Variants in TSPAN2 observed in about 807,000 individuals in gnomAD.
TSPAN2 encodes tetraspanin 2.
In TSPAN2, 24 loss-of-function variants were observed where a neutral mutation model predicts 33.3. That is an observed-to-expected ratio of 0.72 (90% CI 0.52 to 1.01). The LOEUF is 1.01. Ranked by LOEUF, TSPAN2 falls within the 50% of genes least tolerant of loss-of-function variation. TSPAN2 has a pLI of 0.00. For synonymous variants in TSPAN2, 114 were observed against 104.5 expected (o/e 1.09, Z -0.56); for missense variants, 278 against 281.3 (o/e 0.99, Z 0.08).
At chr1:115,052,312 T>G (rs563322189) in intron 7 of TSPAN2, among the ~76,000 whole-genome samples, 1 of 152,286 alleles carries the variant, frequency 6.6e-6, no homozygotes, top group South Asian at 2.1e-4. Flanking sequence ...TTCCTCACAA[T>G]TCCCACAGCC....
Position 115,051,506 on chromosome 1 carries a change from T to C in TSPAN2, c.601-951A>G, listed in dbSNP as rs558248807. 2.4e-4 allele frequency among the ~76,000 whole-genome samples: 36 copies of C among 152,360 alleles called. No homozygotes were observed. In the South Asian group the frequency reaches 7.0e-3, roughly 30 times the overall value. On this transcript the variant is annotated intron_variant, in intron 7 of 7. Coordinates refer to ENST00000369516, the MANE Select transcript of TSPAN2 (RefSeq NM_005725.6). ...TCAATATCCACTTCCATGGTTTGAA[T>C]AGAAGAATGCCAAAGAGTCTTCTTG... is the stretch of plus-strand genomic sequence containing the variant.
rs372567299 is a variant in TSPAN2 at position 115,083,099 on chromosome 1, C to T, written c.69+6265G>A. On this transcript the variant is annotated intron_variant, in intron 1 of 7. Coordinates refer to ENST00000369516, the MANE Select transcript of TSPAN2 (RefSeq NM_005725.6). ...GTTAATTCATCTGTAAGATGTGCTC[C>T]CAGCCCATCTGGTATTTCCATCTTG... 3.9e-5 allele frequency among the ~76,000 whole-genome samples: 6 copies of T among 152,304 alleles called. No individual in the cohort carries two copies. In the East Asian group the frequency reaches 9.7e-4, roughly 25 times the overall value.
intron 2 of TSPAN2, among the ~76,000 whole-genome samples, chr1:115,068,603 G>C (rs1040059664): frequency 2.6e-5 from 4 of 152,216 alleles, no homozygotes; most frequent in African/African-American, 9.7e-5. Flanking sequence ...ATGGTGCCCT[G>C]TGACAGTGGA....
At chr1:115,062,105 C>A (rs904551127) in intron 3 of TSPAN2, 30 bp downstream of exon 3, 5 of 1,497,068 alleles carry the variant, frequency 3.3e-6, no homozygotes, top group Non-Finnish European at 4.6e-6. Flanking sequence ...CTCACCCCCA[C>A]CCCACCATTT....
At chr1:115,055,245 T>C (rs1647347330) in intron 6 of TSPAN2, among the ~76,000 whole-genome samples, 1 of 152,182 alleles carries the variant, frequency 6.6e-6, no homozygotes, top group African/African-American at 2.4e-5. Context: ...CCAGCTTCTT[T>C]TTGTAAAAAA....
chr1:115,053,709 C>T (rs539303751), intron 6 of TSPAN2, among the ~76,000 whole-genome samples: 23 of 152,316 alleles, frequency 1.5e-4, no homozygotes, highest in Non-Finnish European at 1.0e-4. Context: ...GTGGCTTCTT[C>T]GGAGCCCTGA....
intron 2 of TSPAN2, among the ~76,000 whole-genome samples, chr1:115,070,422 C>T (rs1204878573): frequency 6.8e-6 from 1 of 147,436 alleles, no homozygotes; most frequent in Admixed American, 6.8e-5. Flanking sequence ...TCTACTTCTG[C>T]CATAATAATC....
At chr1:115,063,307 C>G (rs2101030739) in intron 2 of TSPAN2, among the ~76,000 whole-genome samples, 1 of 152,268 alleles carries the variant, frequency 6.6e-6, no homozygotes, top group Non-Finnish European at 1.5e-5. Context: ...AAGCGAGCAA[C>G]AAACATGAAA....
Position 115,075,199 on chromosome 1 carries a change from T to C in TSPAN2, c.70-2192A>G, listed in dbSNP as rs116488610. ...TGGCACAGATGTGTTTGATGCATAA[T>C]GGAAAATTAAAAGAGAGGTTGCAAT... On this transcript the variant is annotated intron_variant, in intron 1 of 7. Transcript: ENST00000369516. Among the ~76,000 whole-genome samples the C allele has an allele frequency of 3.4e-3, 514 of 152,220 alleles. 2 individuals carry two copies. The highest frequency in any genetic ancestry group is 0.012 in the African/African-American group (489 of 41,536).
At chr1:115,074,552 G>C (rs1409640633) in intron 1 of TSPAN2, among the ~76,000 whole-genome samples, 1 of 152,040 alleles carries the variant, frequency 6.6e-6, no homozygotes, top group Non-Finnish European at 1.5e-5. Context: ...TCTGAAAGAC[G>C]TCTGCATTTA....
intron 1 of TSPAN2, among the ~76,000 whole-genome samples, chr1:115,074,934 A>G (rs1335557229): frequency 6.6e-6 from 1 of 151,892 alleles, no homozygotes; most frequent in African/African-American, 2.4e-5. Context: ...CTCACAGGCA[A>G]CCCTGCACGC....
chr1:115,059,979 C>T (rs181386840), intron 4 of TSPAN2, among the ~76,000 whole-genome samples: 18 of 152,294 alleles, frequency 1.2e-4, no homozygotes, highest in South Asian at 2.1e-4. Context: ...TGTGTCCCCC[C>T]GATAACCTAT....
chr1:115,067,322 T>C (rs1220345917), intron 2 of TSPAN2, among the ~76,000 whole-genome samples: 1 of 152,248 alleles, frequency 6.6e-6, no homozygotes, highest in African/African-American at 2.4e-5. Flanking sequence ...CTAGAATTGA[T>C]GATTCCTGGT....
At chr1:115,053,115 A>G (rs935631414) in intron 7 of TSPAN2, among the ~76,000 whole-genome samples, 15 of 152,234 alleles carry the variant, frequency 9.9e-5, no homozygotes, top group African/African-American at 3.6e-4. Context: ...GGTTATGGAT[A>G]GTAGCCTTAA....
intron 7 of TSPAN2, among the ~76,000 whole-genome samples, chr1:115,051,121 G>A (rs941784670): frequency 1.3e-5 from 2 of 152,008 alleles, no homozygotes; most frequent in Non-Finnish European, 2.9e-5. Context: ...ACCAGCCTGG[G>A]AAACATGGTG....
intron 7 of TSPAN2, among the ~76,000 whole-genome samples, chr1:115,053,043 T>A (rs1647252584): frequency 6.6e-6 from 1 of 152,182 alleles, no homozygotes; most frequent in African/African-American, 2.4e-5. Flanking sequence ...GAGATTAACC[T>A]GATATGTTGC....
chr1:115,058,074 A>C (rs1392211061), intron 5 of TSPAN2, among the ~76,000 whole-genome samples: 1 of 152,248 alleles, frequency 6.6e-6, no homozygotes, highest in Non-Finnish European at 1.5e-5. Context: ...AAGATTGGCC[A>C]GCAAACAGGT....
At chr1:115,083,072 G>A (rs1336609827) in intron 1 of TSPAN2, among the ~76,000 whole-genome samples, 1 of 152,218 alleles carries the variant, frequency 6.6e-6, no homozygotes, top group African/African-American at 2.4e-5. Context: ...AAGGTAACCC[G>A]AGTTAATTCA....
intron 2 of TSPAN2, among the ~76,000 whole-genome samples, chr1:115,072,235 C>G (rs1409477534): frequency 6.6e-6 from 1 of 152,060 alleles, no homozygotes; most frequent in East Asian, 1.9e-4. Flanking sequence ...CACTCCTCAC[C>G]CCTTCCTACA....
Sources: allele counts gnomAD v4.1 joint callset (sites outside exome capture counted in the v4.1 genomes callset), GRCh38; gene constraint gnomAD v4.1.1; transcripts MANE v1.5; gene names NCBI Gene and HGNC (gene_info 2026-07-23, HGNC 2026-07-21).